L3MBTL4: variants seen among roughly 807,000 people sequenced by gnomAD.
The protein encoded by L3MBTL4 is lethal(3)malignant brain tumor-like protein 4.
Under a neutral mutation model 84.5 loss-of-function variants are expected in L3MBTL4, and 70 were observed. The observed-to-expected ratio is 0.83, with a 90% CI of 0.68 to 1.01. L3MBTL4 has a LOEUF of 1.01. Ranked by LOEUF, L3MBTL4 falls within the 50% of genes least tolerant of loss-of-function variation. The probability of loss-of-function intolerance (pLI) is 0.00; values close to 1 mark genes in which losing one functional copy is unlikely to be tolerated. For synonymous variants in L3MBTL4, 274 were observed against 259.8 expected (o/e 1.05, Z -0.52); for missense variants, 715 against 754.8 (o/e 0.95, Z 0.62).
intron 16 of L3MBTL4, among the ~76,000 whole-genome samples, chr18:6,011,231 T>A (rs1179837808): frequency 6.6e-6 from 1 of 152,026 alleles, no homozygotes; most frequent in Non-Finnish European, 1.5e-5. Context: ...TGGCTGAAAA[T>A]ACACAAGAAG....
At chr18:6,222,044 C>T (rs545094797) in intron 10 of L3MBTL4, among the ~76,000 whole-genome samples, 25 of 152,304 alleles carry the variant, frequency 1.6e-4, no homozygotes, top group African/African-American at 6.0e-4. Flanking sequence ...ATGCTTCAAT[C>T]GTGGCCAAGC....
At chr18:6,406,525 G>C (rs1303069346) in intron 1 of L3MBTL4, among the ~76,000 whole-genome samples, 1 of 152,102 alleles carries the variant, frequency 6.6e-6, no homozygotes, top group African/African-American at 2.4e-5. Flanking sequence ...AAAACAGGCT[G>C]GGTTAAATCA....
chr18:6,266,588 T>C (rs114043905), intron 4 of L3MBTL4, among the ~76,000 whole-genome samples: 1,901 of 152,174 alleles, frequency 0.012, 38 homozygotes, highest in African/African-American at 0.042. Flanking sequence ...AAACACAAAA[T>C]CCATCAATTG....
chr18:6,150,319 T>C (rs755567795), intron 13 of L3MBTL4, among the ~76,000 whole-genome samples: 2 of 152,102 alleles, frequency 1.3e-5, no homozygotes, highest in South Asian at 4.1e-4. Context: ...ATGGTGTCCA[T>C]AATCCCTTCT....
intron 15 of L3MBTL4, among the ~76,000 whole-genome samples, chr18:6,090,587 T>C (rs1257706846): frequency 7.8e-6 from 1 of 127,854 alleles, no homozygotes; most frequent in African/African-American, 3.8e-5. Context: ...ATATATATTA[T>C]ATATATACAC....
intron 16 of L3MBTL4, among the ~76,000 whole-genome samples, chr18:5,990,159 G>A (rs1003799644): frequency 3.3e-5 from 5 of 152,204 alleles, no homozygotes; most frequent in Admixed American, 1.3e-4. Context: ...GAAGTAAGAT[G>A]ATCAAAGTAG....
chr18:6,412,966 G>A (rs1261343343), intron 1 of L3MBTL4, among the ~76,000 whole-genome samples: 1 of 152,028 alleles, frequency 6.6e-6, no homozygotes, highest in Admixed American at 6.6e-5. Flanking sequence ...GTGGTGCACA[G>A]CTACCCTCCC....
At chr18:6,261,555 C>G (rs369508716) in intron 5 of L3MBTL4, among the ~76,000 whole-genome samples, 1 of 152,202 alleles carries the variant, frequency 6.6e-6, no homozygotes, top group East Asian at 1.9e-4. Flanking sequence ...CCACTTACTG[C>G]CTTCCAGCAC....
intron 1 of L3MBTL4, among the ~76,000 whole-genome samples, chr18:6,378,453 T>A (rs2054461807): frequency 6.6e-6 from 1 of 152,230 alleles, no homozygotes; most frequent in Non-Finnish European, 1.5e-5. Flanking sequence ...TGGTCCCAGG[T>A]CTTATGTTTA....
At chr18:6,404,852 A>ATT (rs796588434) in intron 1 of L3MBTL4, among the ~76,000 whole-genome samples, 5 of 142,294 alleles carry the variant, frequency 3.5e-5, no homozygotes, top group Admixed American at 7.1e-5. Context: ...TGCCTGGATA[A>ATT]TTTTTTTTTT....
At chr18:6,124,316 C>T (rs963650187) in intron 14 of L3MBTL4, among the ~76,000 whole-genome samples, 2 of 150,678 alleles carry the variant, frequency 1.3e-5, no homozygotes, top group African/African-American at 2.4e-5. Flanking sequence ...AAAATGGTCT[C>T]GTACAAAGGA....
chr18:6,236,534 A>G (rs115549613), intron 10 of L3MBTL4, among the ~76,000 whole-genome samples: 2,165 of 152,296 alleles, frequency 0.014, 58 homozygotes, highest in African/African-American at 0.05. Context: ...AGAGAAGAAG[A>G]TATTTCACCA....
chr18:5,975,265 G>A (rs1021178822), intron 16 of L3MBTL4, among the ~76,000 whole-genome samples: 6 of 152,106 alleles, frequency 3.9e-5, no homozygotes, highest in Non-Finnish European at 7.3e-5. Flanking sequence ...CACTAAAAAC[G>A]GAGACCCATT....
chr18:6,092,197 C>G (rs2143629048), intron 15 of L3MBTL4, among the ~76,000 whole-genome samples: 1 of 152,280 alleles, frequency 6.6e-6, no homozygotes, highest in Non-Finnish European at 1.5e-5. Context: ...TCAAAATATT[C>G]AAAATTTAAC....
intron 7 of L3MBTL4, 29 bp downstream of exon 7, chr18:6,243,265 T>C: frequency 6.8e-7 from 1 of 1,465,342 alleles, no homozygotes; most frequent in Non-Finnish European, 9.1e-7. Context: ...TTGATTCTCT[T>C]TCCAGTTGGT....
At chr18:6,147,397 C>T (rs1039740652) in intron 13 of L3MBTL4, among the ~76,000 whole-genome samples, 3 of 151,814 alleles carry the variant, frequency 2.0e-5, no homozygotes, top group Non-Finnish European at 4.4e-5. Context: ...ATAATATAAC[C>T]AAACACCATG....
At chr18:6,398,743 C>CG (rs993718409) in intron 1 of L3MBTL4, among the ~76,000 whole-genome samples, 11 of 17,984 alleles carry the variant, frequency 6.1e-4, no homozygotes, top group South Asian at 2.0e-3. Flanking sequence ...GACTTCATTG[C>CG]GGGGGGGCGG....
At chr18:6,086,920 T>G (rs758594911) in intron 15 of L3MBTL4, among the ~76,000 whole-genome samples, 1 of 152,104 alleles carries the variant, frequency 6.6e-6, no homozygotes, top group Non-Finnish European at 1.5e-5. Context: ...CACATACTTG[T>G]GGAGTGAATG....
chr18:6,319,377 G>C (rs144516729), intron 1 of L3MBTL4, among the ~76,000 whole-genome samples: 125 of 151,942 alleles, frequency 8.2e-4, no homozygotes, highest in Non-Finnish European at 1.0e-3. Context: ...TTATTAGCTA[G>C]ATTAACCAAA....
Sources: gnomAD v4.1 joint callset for allele counts (sites outside exome capture counted in the v4.1 genomes callset) on GRCh38, gnomAD v4.1.1 for gene constraint, MANE v1.5 for transcripts, NCBI Gene and HGNC (gene_info 2026-07-23, HGNC 2026-07-21) for gene names.